The following CLSTN3 variants were observed in gnomAD, a reference collection of about 807,000 sequenced individuals.
CLSTN3 encodes calsyntenin-3.
CLSTN3 carries 36 observed loss-of-function variants against 95.9 expected under a neutral mutation model. The ratio of observed to expected loss-of-function variants is 0.38; its 90% CI spans 0.29 to 0.50. The LOEUF (loss-of-function observed/expected upper bound fraction) is 0.50, where lower values mean the gene tolerates loss of function less well. Among genes scored for constraint, CLSTN3 ranks in the 20% least tolerant of loss-of-function variants. The pLI is 0.95. For missense variants in CLSTN3, 1,084 were observed against 1,268.8 expected (o/e 0.85, Z 2.21); for synonymous variants, 481 against 504.0 (o/e 0.95, Z 0.61).
At position 7,143,168 on chromosome 12, in the gene CLSTN3, C is replaced by T. The variant is rs143198009; in HGVS notation, c.1704C>T (p.His568=). 256 of 1,613,046 alleles carry T rather than the reference C, an allele frequency of 1.6e-4. No homozygotes were observed. The highest frequency in any genetic ancestry group is 2.0e-4 in the East Asian group (9 of 44,880). The part of the protein sequence containing the change: ...FESLGKGMKV[H]VNPSQSLLTL... The stretch of plus-strand genomic sequence containing the variant: ...TATCTGTGTCTGGGGCCCAGGTCCA[C>T]GTGAACCCCTCACAGTCCCTGCTCA... The change falls in exon 12 of 18, where the codon CAC becomes CAT. Residue 568 remains histidine (H), a synonymous_variant. Transcript: ENST00000266546.
At position 7,150,415 on chromosome 12, in the gene CLSTN3, C is replaced by T. The variant is rs551591644; in HGVS notation, c.2246-129C>T. On this transcript the variant is annotated intron_variant, in intron 14 of 17. Transcript: ENST00000266546. This position sits in a 1 kb window ranked among gnomAD's most constrained non-coding sequence, Gnocchi z 4.0. ...TCCCTCCCTTCGACCTCAGGTCGCA[C>T]TTCTGCGGAGATGGGGCTGACCTGC... 4 of 1,137,272 alleles carry T rather than the reference C, an allele frequency of 3.5e-6. No individual in the cohort carries two copies. The East Asian group carries it at 1.0e-4, about 29-fold the overall frequency. The allele number at this position is 1,137,272 out of a possible 1,614,324, so 70.4% of individuals were successfully genotyped here. A position where few individuals can be genotyped will look rare whatever the true frequency, so the allele number is the denominator to read the frequency against.
chr12:7,130,108 C>T (rs750275155), upstream of CLSTN3: 99 of 202,744 alleles, frequency 4.9e-4, no homozygotes, highest in Non-Finnish European at 8.8e-4. Flanking sequence ...CGTCTCTCTT[C>T]CCCACCCCCT....
chr12:7,157,687 T>TGG lies in CLSTN3; in HGVS notation c.2727_2728dup (p.Glu910GlyfsTer11). The TGG allele has an allele frequency of 6.3e-7, 1 of 1,579,116 alleles. No homozygotes were observed. Among genetic ancestry groups the TGG allele is most frequent in the Non-Finnish European group, 8.6e-7 (1 of 1,161,510 alleles). On this transcript the variant is annotated frameshift_variant, in exon 17 of 18. Coordinates refer to ENST00000266546, the MANE Select transcript of CLSTN3 (RefSeq NM_014718.4). LOFTEE classifies it high-confidence loss of function. The surrounding 1 kb of genome is among the most constrained non-coding windows in gnomAD (Gnocchi z 5.9). ...GCTCTCACCATCATTGTGAACCCCA[T>TGG]GGAGGTGAGAGGCCTGGGGAAGCGG...
chr12:7,138,106 T>C, intron 8 of CLSTN3, 39 bp downstream of exon 8: 1 of 1,497,238 alleles, frequency 6.7e-7, no homozygotes, highest in Non-Finnish European at 9.3e-7. Flanking sequence ...GCTGAGTAGA[T>C]GTGACTCACT....
At chr12:7,145,387 G>A (rs761621707) in intron 12 of CLSTN3, among the ~76,000 whole-genome samples, 11 of 151,998 alleles carry the variant, frequency 7.2e-5, no homozygotes, top group African/African-American at 1.9e-4. Flanking sequence ...GCATTTGTGT[G>A]TATGTAACAG....
At chr12:7,156,439 G>A (rs763669394) in intron 16 of CLSTN3, 40 of 456,956 alleles carry the variant, frequency 8.8e-5, no homozygotes, top group African/African-American at 8.0e-4. Flanking sequence ...TCCTTCAGGG[G>A]GTTGCCTGGT....
In CLSTN3 at chr12:7,133,530, G is replaced by A. The variant is rs755786416; in HGVS notation, c.188-43G>A. ...AGGTGGGGAGACTGAGGGTGGGGAA[G>A]GAGACACAGCAGCCTCACTCCTCCC... is the stretch of plus-strand genomic sequence containing the variant. On this transcript the variant is annotated intron_variant, in intron 2 of 17. Transcript: ENST00000266546. The surrounding 1 kb of genome is among the most constrained non-coding windows in gnomAD (Gnocchi z 4.7). 2 of 1,599,176 alleles carry A rather than the reference G, an allele frequency of 1.3e-6. No individual in the cohort carries two copies. Among genetic ancestry groups the A allele is most frequent in the Admixed American group, 3.3e-5 (2 of 59,768 alleles).
In CLSTN3 at chr12:7,158,232, C is replaced by A; in HGVS notation, c.*151C>A. ...CTTTCATTTCAAAACCCCAGCGGGC[C>A]CTCTGGAGTCCGCCCTGCCCCTCCC... On this transcript the variant is annotated 3_prime_UTR_variant, in exon 18 of 18. Coordinates refer to ENST00000266546, the MANE Select transcript of CLSTN3 (RefSeq NM_014718.4). 1.1e-6 allele frequency: 1 copy of A among 920,630 alleles called. No individual in the cohort carries two copies. The highest frequency in any genetic ancestry group is 1.6e-6 in the Non-Finnish European group (1 of 644,832). The allele number at this position is 920,630 out of a possible 1,614,324, so 57.0% of individuals were successfully genotyped here.
At chr12:7,130,772 G>T (rs763066890) in intron 1 of CLSTN3, 60 bp downstream of exon 1, 19 of 1,455,014 alleles carry the variant, frequency 1.3e-5, no homozygotes, top group Middle Eastern at 2.3e-4. Context: ...CGTGCGGGGT[G>T]GGGGTGGGAA....
At chr12:7,145,438 C>T (rs943244182) in intron 12 of CLSTN3, among the ~76,000 whole-genome samples, 1 of 152,022 alleles carries the variant, frequency 6.6e-6, no homozygotes, top group Non-Finnish European at 1.5e-5. Flanking sequence ...TTCCCTGATG[C>T]ATTTCCTTGC....
chr12:7,157,832 A>T lies in CLSTN3; in HGVS notation c.2731-109A>T. ...CGGAGGGAGAGAGGTTCAGGCAGGGAAGGGGGTACACAGGGGTTAAGGGGA... is the reference window on the plus strand; with the variant it reads ...CGGAGGGAGAGAGGTTCAGGCAGGGTAGGGGGTACACAGGGGTTAAGGGGA... On this transcript the variant is annotated intron_variant, in intron 17 of 17. Transcript: ENST00000266546. This position sits in a 1 kb window ranked among gnomAD's most constrained non-coding sequence, Gnocchi z 5.9. 1 of 1,505,184 alleles carries T rather than the reference A, an allele frequency of 6.6e-7. No homozygotes were observed. The highest frequency in any genetic ancestry group is 8.9e-7 in the Non-Finnish European group (1 of 1,120,272). The allele number at this position is 1,505,184 out of a possible 1,614,324, so 93.2% of individuals were successfully genotyped here.
chr12:7,135,942 C>A lies in CLSTN3; in HGVS notation c.731C>A (p.Pro244His). The change falls in exon 5 of 18, where the codon CCC becomes CAC. Residue 244 changes from proline to histidine, a missense_variant. Coordinates refer to ENST00000266546, the MANE Select transcript of CLSTN3 (RefSeq NM_014718.4). ...VEIQVKPTCK[P>H]SWQGWNKRIE... ...ATTCAGGTGAAGCCCACCTGTAAAC[C>A]CAGCTGGCAAGGTGAGAGCTCAGCG... The A allele has an allele frequency of 6.2e-7, 1 of 1,609,392 alleles. No homozygotes were observed. Among genetic ancestry groups the A allele is most frequent in the Non-Finnish European group, 8.5e-7 (1 of 1,178,190 alleles).
In CLSTN3 at chr12:7,157,675, T is replaced by C. The variant is rs1236432829; in HGVS notation, c.2714T>C (p.Ile905Thr). The C allele has an allele frequency of 6.3e-7, 1 of 1,592,550 alleles. No homozygotes were observed. Among genetic ancestry groups the C allele is most frequent in the East Asian group, 2.3e-5 (1 of 44,078 alleles). Residue 905 changes from isoleucine (I) to threonine (T), a missense_variant, in exon 17 of 18, where the codon ATT becomes ACT. Ile to Thr is a moderately conservative substitution (Grantham distance 89). Coordinates refer to ENST00000266546, the MANE Select transcript of CLSTN3 (RefSeq NM_014718.4). The surrounding 1 kb of genome is among the most constrained non-coding windows in gnomAD (Gnocchi z 5.9). ...TGGGATGACTCAGCTCTCACCATCA[T>C]TGTGAACCCCATGGAGGTGAGAGGC... ...LFWDDSALTI[I>T]VNPMESYQNR... is the part of the protein sequence containing the mutation.
intron 3 of CLSTN3, 25 bp from the exon 4 acceptor site, chr12:7,135,302 C>T (rs762377892): frequency 2.5e-6 from 4 of 1,607,756 alleles, no homozygotes; most frequent in Admixed American, 3.3e-5. Flanking sequence ...GTGTCTTCAT[C>T]CCTCCTTCTC....
At chr12:7,142,051 C>T (rs1278327044) in intron 9 of CLSTN3, 35 bp from the exon 10 acceptor site, 1 of 1,479,662 alleles carries the variant, frequency 6.8e-7, no homozygotes, top group South Asian at 1.2e-5. Context: ...TCCCTGAGCT[C>T]ACCAGCACTG....
At chr12:7,140,539 CT>C (rs1265107298) in intron 8 of CLSTN3, among the ~76,000 whole-genome samples, 1 of 152,144 alleles carries the variant, frequency 6.6e-6, no homozygotes, top group East Asian at 1.9e-4. Flanking sequence ...CTCTCTGCCC[CT>C]TTTTCCTCTG....
Position 7,158,516 on chromosome 12 carries a change from AGGGCTCCCTCAGCT to A in CLSTN3, c.*438_*451del, listed in dbSNP as rs1412806888. The A allele has an allele frequency of 6.4e-6, 1 of 156,228 alleles. No homozygotes were observed. The highest frequency in any genetic ancestry group is 1.4e-5 in the Non-Finnish European group (1 of 70,796). 9.7% of individuals were successfully genotyped at this position (156,228 alleles called of 1,614,324 possible). A position where few individuals can be genotyped will look rare whatever the true frequency, so the allele number is the denominator to read the frequency against. ...CCATGGGAAGCTTTTCCCCCTCTGC[AGGGCTCCCTCAGCT>A]GGACCATCGTCCCTGCTTCTCTTAT... On this transcript the variant is annotated 3_prime_UTR_variant, in exon 18 of 18. Transcript: ENST00000266546.
In CLSTN3 at chr12:7,136,285, T is replaced by C. The variant is rs776952469; in HGVS notation, c.822T>C (p.Asp274=). The C allele has an allele frequency of 2.5e-6, 4 of 1,614,204 alleles. No homozygotes were observed. The East Asian group carries it at 8.9e-5, about 36-fold the overall frequency. ...CTGGTATCCGCCTGGAGACCTGTGA[T>C]GAACCACTCTGGAACATTCAGGCCA... ...LFPGIRLETC[D]EPLWNIQATI... Residue 274 remains aspartate, a synonymous_variant, in exon 6 of 18, where the codon GAT becomes GAC. Transcript: ENST00000266546.
At position 7,157,613 on chromosome 12, in the gene CLSTN3, A is replaced by T. The variant is rs1230764463; in HGVS notation, c.2652A>T (p.Pro884=). 9 of 1,611,370 alleles carry T rather than the reference A, an allele frequency of 5.6e-6. No homozygotes were observed. Among genetic ancestry groups the T allele is most frequent in the Non-Finnish European group, 7.6e-6 (9 of 1,178,906 alleles). The change falls in exon 17 of 18, where the codon CCA becomes CCT. Residue 884 remains proline (P), a synonymous_variant. Coordinates refer to ENST00000266546, the MANE Select transcript of CLSTN3 (RefSeq NM_014718.4). This position sits in a 1 kb window ranked among gnomAD's most constrained non-coding sequence, Gnocchi z 5.9. The part of the protein sequence containing the change: ...HRRVSGAGGP[P]GASSDPKDPD... ...GCGTCTCAGGGGCCGGCGGGCCTCC[A>T]GGGGCCTCCAGTGACCCCAAGGACC...
Sources: gnomAD v4.1 joint callset for allele counts (sites outside exome capture counted in the v4.1 genomes callset) on GRCh38, gnomAD v4.1.1 for gene constraint, Gnocchi (gnomAD v3.1) non-coding constraint, MANE v1.5 for transcripts, NCBI Gene and HGNC (gene_info 2026-07-23, HGNC 2026-07-21) for gene names.